TIAM1: variants seen among roughly 807,000 people sequenced by gnomAD.
TIAM1 encodes rho guanine nucleotide exchange factor TIAM1.
In TIAM1, 65 loss-of-function variants were observed where a neutral mutation model predicts 163.5. The ratio of observed to expected loss-of-function variants is 0.40; its 90% confidence interval spans 0.33 to 0.49. TIAM1 has a LOEUF of 0.49. Among genes scored for constraint, TIAM1 ranks in the 20% least tolerant of loss-of-function variants. TIAM1 has a pLI of 0.77. For synonymous variants in TIAM1, 833 were observed against 810.1 expected (o/e 1.03, Z -0.48); for missense variants, 1,789 against 2,044.7 (o/e 0.87, Z 2.41).
intron 2 of TIAM1, among the ~76,000 whole-genome samples, chr21:31,396,682 G>A (rs2147209569): frequency 6.6e-6 from 1 of 151,412 alleles, no homozygotes; most frequent in Non-Finnish European, 1.5e-5. Context: ...AGGCGCGGTG[G>A]CTCATGCCTG....
At chr21:31,328,576 A>T (rs2075571616) in intron 2 of TIAM1, among the ~76,000 whole-genome samples, 1 of 151,384 alleles carries the variant, frequency 6.6e-6, no homozygotes, top group African/African-American at 2.4e-5. Flanking sequence ...AAGTTCTGGG[A>T]TACATGTGCA....
At chr21:31,540,914 A>G (rs987746610) in intron 1 of TIAM1, among the ~76,000 whole-genome samples, 7 of 152,214 alleles carry the variant, frequency 4.6e-5, no homozygotes, top group Admixed American at 1.3e-4. Flanking sequence ...ATAAAGTGAA[A>G]TGATTAAGAT....
intron 6 of TIAM1, among the ~76,000 whole-genome samples, chr21:31,235,068 C>T (rs553667147): frequency 2.0e-5 from 3 of 152,066 alleles, no homozygotes; most frequent in South Asian, 2.1e-4. Context: ...TTCATGAAAA[C>T]GAAGCAGCTG....
chr21:31,508,912 C>T (rs560483196), intron 1 of TIAM1, among the ~76,000 whole-genome samples: 1 of 152,252 alleles, frequency 6.6e-6, no homozygotes, highest in Admixed American at 6.5e-5. Flanking sequence ...ATATGACTTG[C>T]TGCAGGACAT....
intron 2 of TIAM1, among the ~76,000 whole-genome samples, chr21:31,359,846 AAGG>A (rs2076378409): frequency 7.5e-6 from 1 of 132,494 alleles, no homozygotes; most frequent in Non-Finnish European, 1.6e-5. Flanking sequence ...GGAAGGAAGG[AAGG>A]AAGGAAGGAA....
chr21:31,437,072 A>G (rs996767846), intron 2 of TIAM1, among the ~76,000 whole-genome samples: 1 of 152,226 alleles, frequency 6.6e-6, no homozygotes, highest in Non-Finnish European at 1.5e-5. Flanking sequence ...AAAAGAAAAA[A>G]TTTGGTAAAA....
chr21:31,433,273 A>G (rs1569327092), intron 2 of TIAM1, among the ~76,000 whole-genome samples: 1 of 152,238 alleles, frequency 6.6e-6, no homozygotes, highest in South Asian at 2.1e-4. Context: ...AGTTATTGGT[A>G]TCATTTAGAG....
chr21:31,511,844 G>A (rs1321800470), intron 1 of TIAM1, among the ~76,000 whole-genome samples: 1 of 152,158 alleles, frequency 6.6e-6, no homozygotes, highest in Non-Finnish European at 1.5e-5. Flanking sequence ...TAGGGCAAGG[G>A]AAAAATATTA....
At chr21:31,215,329 G>A (rs1424263041) in intron 9 of TIAM1, among the ~76,000 whole-genome samples, 4 of 151,976 alleles carry the variant, frequency 2.6e-5, no homozygotes, top group African/African-American at 4.8e-5. Flanking sequence ...AGTGGCTCAT[G>A]CCTATAATCC....
At chr21:31,302,932 G>A (rs2074558308) in intron 2 of TIAM1, among the ~76,000 whole-genome samples, 1 of 152,122 alleles carries the variant, frequency 6.6e-6, no homozygotes, top group Non-Finnish European at 1.5e-5. Context: ...CATTAGTAAG[G>A]CAGACTAGCA....
rs182507362 is a variant in TIAM1, at chr21:31,465,594, G to A, written c.-421-1559C>T. Among the ~76,000 whole-genome samples the A allele has an allele frequency of 3.9e-3, 579 of 149,160 alleles. 5 individuals are homozygous for A. Among genetic ancestry groups the A allele is most frequent in the African/African-American group, 0.013 (547 of 40,604 alleles). ...GATCTTCTTTTTTTTTTTTTGAGAC[G>A]GAGTCTCGCCCTGTTACCCAGGCTG... On this transcript the variant is annotated intron_variant, in intron 1 of 28. Coordinates refer to the TIAM1 transcript ENST00000286827.
chr21:31,170,111 A>C (rs372999404), intron 15 of TIAM1, among the ~76,000 whole-genome samples: 26 of 152,358 alleles, frequency 1.7e-4, no homozygotes, highest in African/African-American at 6.3e-4. Context: ...CTTCATGTTT[A>C]GATTATAGAA....
At chr21:31,165,798 T>C (rs2084183197) in intron 15 of TIAM1, among the ~76,000 whole-genome samples, 1 of 152,140 alleles carries the variant, frequency 6.6e-6, no homozygotes, top group Non-Finnish European at 1.5e-5. Context: ...CTGAGAACAG[T>C]ACAACAAAAA....
intron 2 of TIAM1, among the ~76,000 whole-genome samples, chr21:31,326,185 T>C (rs951639016): frequency 6.6e-6 from 1 of 152,150 alleles, no homozygotes; most frequent in African/African-American, 2.4e-5. Context: ...CTGATTTTGT[T>C]TGGTTTTGTT....
chr21:31,121,908 G>A (rs1344843449), intron 27 of TIAM1, among the ~76,000 whole-genome samples: 2 of 152,198 alleles, frequency 1.3e-5, no homozygotes, highest in African/African-American at 4.8e-5. Flanking sequence ...ACACGAAAAG[G>A]TGAAATGCAA....
At chr21:31,245,437 G>T in intron 6 of TIAM1, 51 bp downstream of exon 6, 1 of 1,200,998 alleles carries the variant, frequency 8.3e-7, no homozygotes, top group Non-Finnish European at 1.1e-6. Context: ...AGAAAAGAAG[G>T]TAGCCAGTTC....
chr21:31,501,199 G>A (rs2046836540), intron 1 of TIAM1, among the ~76,000 whole-genome samples: 1 of 152,216 alleles, frequency 6.6e-6, no homozygotes, highest in African/African-American at 2.4e-5. Flanking sequence ...AGTCCAGAAG[G>A]TCAGGACCAC....
chr21:31,255,529 T>C (rs2072050036), intron 4 of TIAM1, among the ~76,000 whole-genome samples: 1 of 152,156 alleles, frequency 6.6e-6, no homozygotes, highest in South Asian at 2.1e-4. Context: ...CACCTGAGAA[T>C]CCTGATCCTC....
intron 2 of TIAM1, among the ~76,000 whole-genome samples, chr21:31,429,843 T>C (rs1043622544): frequency 3.9e-5 from 6 of 152,082 alleles, no homozygotes; most frequent in Non-Finnish European, 5.9e-5. Flanking sequence ...ACATGTTACT[T>C]TTCTTCTGGA....
Sources: allele counts gnomAD v4.1 joint callset (sites outside exome capture counted in the v4.1 genomes callset), GRCh38; gene constraint gnomAD v4.1.1; transcripts MANE v1.5; gene names NCBI Gene and HGNC (gene_info 2026-07-23, HGNC 2026-07-21).